Variants in KIF1A observed in about 807,000 individuals in gnomAD.
KIF1A encodes the protein kinesin family member 1A.
KIF1A carries 46 observed loss-of-function variants against 227.3 expected under a neutral mutation model. The ratio of observed to expected loss-of-function variants is 0.20; its 90% CI spans 0.16 to 0.26. The LOEUF (loss-of-function observed/expected upper bound fraction) is 0.26, where lower values mean the gene tolerates loss of function less well. Ranked by LOEUF, KIF1A falls within the 10% of genes least tolerant of loss-of-function variation. The pLI is 1.00. For missense variants in KIF1A, 1,683 were observed against 2,485.9 expected (o/e 0.68, Z 6.87); for synonymous variants, 1,022 against 1,012.8 (o/e 1.01, Z -0.17).
intron 1 of KIF1A, among the ~76,000 whole-genome samples, chr2:240,818,382 C>T (rs1423310924): frequency 2.0e-5 from 3 of 152,208 alleles, no homozygotes; most frequent in African/African-American, 7.2e-5. Context: ...CTCATCCCTC[C>T]GGTCCAGAGG....
intron 1 of KIF1A, among the ~76,000 whole-genome samples, chr2:240,805,506 T>A (rs1278866982): frequency 6.6e-6 from 1 of 152,134 alleles, no homozygotes; most frequent in East Asian, 1.9e-4. Flanking sequence ...AAAACCAAAG[T>A]TCAGAGTCAA....
At chr2:240,742,854 G>A (rs1426336865) in intron 34 of KIF1A, 75 bp downstream of exon 34, 34 of 1,331,452 alleles carry the variant, frequency 2.6e-5, no homozygotes, top group Middle Eastern at 1.8e-4. Flanking sequence ...CATTCACTGC[G>A]GGGGCCCAGC....
Position 240,742,583 on chromosome 2 carries a change from C to A in KIF1A, c.3640+346G>T, listed in dbSNP as rs188287692. On this transcript the variant is annotated intron_variant, in intron 34 of 48. Transcript: ENST00000498729. ...TCTCGCTCCCACCTCCAGCCTCAGA[C>A]CCCCGTGAAGGAGCGTCCTAGATTG... 2.1e-4 allele frequency among the ~76,000 whole-genome samples: 32 copies of A among 152,288 alleles called. No homozygotes were observed. The East Asian group carries it at 5.2e-3, about 25-fold the overall frequency.
chr2:240,819,103 T>G (rs1575688127), intron 1 of KIF1A: 1 of 139,628 alleles, frequency 7.2e-6, no homozygotes. Context: ...CAACCCCACC[T>G]ACCGGCGCCC....
At chr2:240,819,385 G>T (rs1486803144) in intron 1 of KIF1A, among the ~76,000 whole-genome samples, 2 of 152,114 alleles carry the variant, frequency 1.3e-5, no homozygotes, top group Non-Finnish European at 2.9e-5. Flanking sequence ...CGCAGGCAGT[G>T]CTCGCCGGCG....
chr2:240,778,277 C>A lies in KIF1A; in HGVS notation c.883-2351G>T, dbSNP rs1480173215. 6.6e-6 allele frequency among the ~76,000 whole-genome samples: 1 copy of A among 152,212 alleles called. No individual in the cohort carries two copies. The highest frequency in any genetic ancestry group is 1.9e-4 in the East Asian group (1 of 5,174). ...CTGTGGAGTTCTTTACACAGTTCCA[C>A]GCGATCCTCACCTAGGTCTCTACAT... On this transcript the variant is annotated intron_variant, in intron 10 of 48. Transcript: ENST00000498729. The surrounding 1 kb of genome is among the most constrained non-coding windows in gnomAD (Gnocchi z 7.2).
chr2:240,760,780 G>A lies in KIF1A; in HGVS notation c.2329C>T (p.Pro777Ser), dbSNP rs770862204. The change falls in exon 25 of 49, where the codon CCC becomes TCC. Residue 777 changes from proline (P) to serine (S), a missense_variant. Coordinates refer to ENST00000498729, the MANE Select transcript of KIF1A (RefSeq NM_001244008.2). The stretch of plus-strand genomic sequence containing the variant: ...TCTCGGTCTTTGGCGGCCTCTGGGG[G>A]CAGCAGGTCGGGTGGCAGAGGGGAG... ...LYSPLPPDLL[P>S]PEAAKDRETR... 3.7e-6 allele frequency: 6 copies of A among 1,604,606 alleles called. No homozygotes were observed. The highest frequency in any genetic ancestry group is 5.1e-6 in the Non-Finnish European group (6 of 1,176,206).
Position 240,766,589 on chromosome 2 carries a change from A to G in KIF1A, c.1684+326T>C, listed in dbSNP as rs2051208442. On this transcript the variant is annotated intron_variant, in intron 19 of 48. Transcript: ENST00000498729. The surrounding 1 kb of genome is among the most constrained non-coding windows in gnomAD (Gnocchi z 5.0). The stretch of plus-strand genomic sequence containing the variant: ...GCAGCCCACCTGTGCCCCCACCTCC[A>G]GCCCTCAAGGAGGCTCAGCTCCCTA... Among the ~76,000 whole-genome samples, 1 of 152,096 alleles carries G rather than the reference A, an allele frequency of 6.6e-6. No individual in the cohort carries two copies. The highest frequency in any genetic ancestry group is 1.5e-5 in the Non-Finnish European group (1 of 68,006).
intron 19 of KIF1A, among the ~76,000 whole-genome samples, 171 bp from the exon 20 acceptor site, chr2:240,765,964 A>AGG (rs1317166193): frequency 6.6e-6 from 1 of 152,220 alleles, no homozygotes; most frequent in East Asian, 1.9e-4. Context: ...AGAGGAGCTT[A>AGG]GGGGTCTCAC....
At chr2:240,810,389 A>G (rs1476621774) in intron 1 of KIF1A, among the ~76,000 whole-genome samples, 1 of 152,240 alleles carries the variant, frequency 6.6e-6, no homozygotes, top group Admixed American at 6.5e-5. Flanking sequence ...TTCAAACTGT[A>G]TCCACCAGAT....
intron 29 of KIF1A, 120 bp downstream of exon 29, chr2:240,747,116 A>T: frequency 1.5e-6 from 1 of 662,240 alleles, no homozygotes. Context: ...AGAGGGAAGA[A>T]CCCCAAGAGG....
intron 32 of KIF1A, among the ~76,000 whole-genome samples, chr2:240,745,208 G>A (rs1262566257): frequency 6.6e-6 from 1 of 152,124 alleles, no homozygotes; most frequent in Non-Finnish European, 1.5e-5. Context: ...GCAGCTCCCA[G>A]GGGCTCTGAG....
intron 48 of KIF1A, 110 bp downstream of exon 48, chr2:240,717,940 C>T (rs1277117155): frequency 1.3e-6 from 1 of 753,628 alleles, no homozygotes; most frequent in South Asian, 1.5e-5. Flanking sequence ...GGCAGGACCC[C>T]TGGGAGAGCA....
At chr2:240,817,255 G>T (rs1471322078) in intron 1 of KIF1A, among the ~76,000 whole-genome samples, 1 of 152,216 alleles carries the variant, frequency 6.6e-6, no homozygotes, top group Non-Finnish European at 1.5e-5. Context: ...TCGGGGCAGG[G>T]TGTGGCCCAG....
chr2:240,782,172 C>T (rs1275871140), intron 10 of KIF1A: 14 of 985,262 alleles, frequency 1.4e-5, no homozygotes, highest in South Asian at 1.4e-4. Flanking sequence ...CACACGCGCC[C>T]GCCTCCCCCT....
At chr2:240,729,977 G>A (rs1575532640) in intron 38 of KIF1A, among the ~76,000 whole-genome samples, 1 of 152,218 alleles carries the variant, frequency 6.6e-6, no homozygotes. Flanking sequence ...ACTCTGCCCA[G>A]GGGAGCTGTA....
chr2:240,720,381 C>T (rs772344857), intron 45 of KIF1A: 9 of 161,288 alleles, frequency 5.6e-5, no homozygotes, highest in African/African-American at 9.6e-5. Flanking sequence ...ACCTGGTGGT[C>T]AAGGAGGCCT....
chr2:240,751,892 C>G (rs2049259722), intron 27 of KIF1A, among the ~76,000 whole-genome samples: 2 of 152,176 alleles, frequency 1.3e-5, no homozygotes, highest in African/African-American at 4.8e-5. Context: ...TCAGAGGCCC[C>G]AGAATCCCAG....
At chr2:240,801,477 A>G (rs2056956688) in intron 1 of KIF1A, among the ~76,000 whole-genome samples, 1 of 152,244 alleles carries the variant, frequency 6.6e-6, no homozygotes, top group African/African-American at 2.4e-5. Flanking sequence ...TAGACATGAC[A>G]GCCAGAAAAG....
Sources: gnomAD v4.1 joint callset for allele counts (sites outside exome capture counted in the v4.1 genomes callset) on GRCh38, gnomAD v4.1.1 for gene constraint, Gnocchi (gnomAD v3.1) non-coding constraint, MANE v1.5 for transcripts, NCBI Gene and HGNC (gene_info 2026-07-23, HGNC 2026-07-21) for gene names.